The following CENPW variants were observed in gnomAD, a reference collection of about 807,000 sequenced individuals.
The protein encoded by CENPW is centromere protein W.
In CENPW, 3 loss-of-function variants were observed where a neutral mutation model predicts 11.1. The ratio of observed to expected loss-of-function variants is 0.27; its 90% CI spans 0.12 to 0.70. CENPW has a LOEUF of 0.70. Among genes scored for constraint, CENPW ranks in the 30% least tolerant of loss-of-function variants. The pLI is 0.77. For synonymous variants in CENPW, 38 were observed against 42.0 expected, an observed-to-expected ratio of 0.91 and a Z score of 0.37; for missense variants, 100 against 105.6, an observed-to-expected ratio of 0.95 and a Z score of 0.23.
the CENPW span, among the ~76,000 whole-genome samples, chr6:126,356,551 C>T: frequency 2.0e-5 from 3 of 152,130 alleles, no homozygotes; most frequent in African/African-American, 7.2e-5. Context: ...TTTACATTCC[C>T]ATCAATTGTG....
the CENPW span, among the ~76,000 whole-genome samples, chr6:126,382,512 A>T: frequency 6.6e-6 from 1 of 152,156 alleles, no homozygotes; most frequent in Non-Finnish European, 1.5e-5. Flanking sequence ...AACTTAGGAG[A>T]ACGTTGAAAC....
the CENPW span, among the ~76,000 whole-genome samples, chr6:126,457,012 A>G: frequency 6.6e-6 from 1 of 151,622 alleles, no homozygotes; most frequent in Non-Finnish European, 1.5e-5. Context: ...CACACCAGTC[A>G]GAATGGCTGC....
At chr6:126,352,974 T>C (rs980408507), downstream of CENPW, among the ~76,000 whole-genome samples, 1 of 152,110 alleles carries the variant, frequency 6.6e-6, no homozygotes, top group Non-Finnish European at 1.5e-5. Context: ...CAATCTGCTA[T>C]TTATATAAAC....
At chr6:126,442,476 A>T in the CENPW span, among the ~76,000 whole-genome samples, 1 of 151,428 alleles carries the variant, frequency 6.6e-6, no homozygotes, top group African/African-American at 2.4e-5. Flanking sequence ...CATCCAGCAT[A>T]GATTGCTTTT....
the CENPW span, among the ~76,000 whole-genome samples, chr6:126,389,109 C>T: frequency 2.6e-5 from 4 of 151,912 alleles, no homozygotes; most frequent in East Asian, 1.9e-4. Context: ...TTTCTTCTAA[C>T]TGTAACATAA....
the CENPW span, among the ~76,000 whole-genome samples, chr6:126,471,479 A>G: frequency 6.6e-6 from 1 of 152,196 alleles, no homozygotes; most frequent in Non-Finnish European, 1.5e-5. Flanking sequence ...TGTATCCTGA[A>G]TACATTTAGT....
chr6:126,397,226 C>T, the CENPW span, among the ~76,000 whole-genome samples: 1 of 152,120 alleles, frequency 6.6e-6, no homozygotes, highest in South Asian at 2.1e-4. Flanking sequence ...ACTCAAGTTT[C>T]AACCCCTAGG....
the CENPW span, among the ~76,000 whole-genome samples, chr6:126,477,602 T>C: frequency 6.6e-6 from 1 of 152,000 alleles, no homozygotes; most frequent in African/African-American, 2.4e-5. Context: ...TCAAATGACT[T>C]ACTCAATTTT....
Position 126,346,388 on chromosome 6 carries a change from C to T in CENPW, c.240+70C>T, listed in dbSNP as rs543448622. 382 of 869,882 alleles carry T rather than the reference C, an allele frequency of 4.4e-4. 1 individual carries two copies. The highest frequency in any genetic ancestry group is 6.2e-4 in the Non-Finnish European group (338 of 545,956). 53.9% of individuals were successfully genotyped at this position (869,882 alleles called of 1,614,324 possible). A position where few individuals can be genotyped will look rare whatever the true frequency, so the allele number is the denominator to read the frequency against. ...AATAACACTCGGTTCATCACCTCTC[C>T]CTGATTTGTATACCTTACTCAGCTT... On this transcript the variant is annotated intron_variant, in intron 2 of 2. Transcript: ENST00000368328.
downstream of CENPW, among the ~76,000 whole-genome samples, chr6:126,350,612 G>A (rs929490550): frequency 6.6e-6 from 1 of 151,978 alleles, no homozygotes; most frequent in Non-Finnish European, 1.5e-5. Context: ...ACATATTTTC[G>A]TGTGCTTATT....
downstream of CENPW, among the ~76,000 whole-genome samples, chr6:126,349,722 G>A (rs1405924826): frequency 1.3e-5 from 2 of 152,060 alleles, no homozygotes; most frequent in East Asian, 1.9e-4. Flanking sequence ...GGGGCATTTT[G>A]GTTACTTACA....
the CENPW span, among the ~76,000 whole-genome samples, chr6:126,448,468 A>T: frequency 6.6e-6 from 1 of 151,204 alleles, no homozygotes; most frequent in East Asian, 2.0e-4. Flanking sequence ...GCACTAACAC[A>T]TGTTCTACAA....
chr6:126,454,034 A>G, the CENPW span, among the ~76,000 whole-genome samples: 2 of 151,554 alleles, frequency 1.3e-5, no homozygotes, highest in African/African-American at 4.8e-5. Context: ...TATCCTGAAT[A>G]TATATGCATG....
chr6:126,426,547 C>G, the CENPW span, among the ~76,000 whole-genome samples: 2 of 152,040 alleles, frequency 1.3e-5, no homozygotes, highest in African/African-American at 4.8e-5. Flanking sequence ...ATATTTAGAT[C>G]AATGGAGCAT....
intron 1 of CENPW, among the ~76,000 whole-genome samples, chr6:126,343,467 C>T (rs1271142819): frequency 6.6e-6 from 1 of 152,104 alleles, no homozygotes; most frequent in Non-Finnish European, 1.5e-5. Flanking sequence ...GGAGTATTGA[C>T]CCACACAGTC....
chr6:126,366,601 T>C, the CENPW span, among the ~76,000 whole-genome samples: 3 of 152,142 alleles, frequency 2.0e-5, no homozygotes, highest in Admixed American at 2.0e-4. Flanking sequence ...AAAATATATA[T>C]CATATACTCA....
chr6:126,442,237 C>T, the CENPW span, among the ~76,000 whole-genome samples: 1 of 151,420 alleles, frequency 6.6e-6, no homozygotes, highest in Non-Finnish European at 1.5e-5. Flanking sequence ...GTTTGTTGGC[C>T]ATTTGTATAG....
At chr6:126,352,747 A>G (rs1448431563), downstream of CENPW, among the ~76,000 whole-genome samples, 1 of 152,008 alleles carries the variant, frequency 6.6e-6, no homozygotes, top group African/African-American at 2.4e-5. Context: ...AGTAATTGGA[A>G]TTTGCAGTCC....
At chr6:126,367,590 A>T in the CENPW span, among the ~76,000 whole-genome samples, 1 of 152,160 alleles carries the variant, frequency 6.6e-6, no homozygotes, top group Admixed American at 6.5e-5. Context: ...GGTAGATAGG[A>T]TGAGATTGAA....
Sources: allele counts gnomAD v4.1 joint callset (sites outside exome capture counted in the v4.1 genomes callset), GRCh38; gene constraint gnomAD v4.1.1; transcripts MANE v1.5; gene names NCBI Gene and HGNC (gene_info 2026-07-23, HGNC 2026-07-21).